DDX10: variants seen among roughly 807,000 people sequenced by gnomAD.
DDX10 encodes the protein probable ATP-dependent RNA helicase DDX10.
DDX10 carries 74 observed loss-of-function variants against 104.3 expected under a neutral mutation model. That is an observed-to-expected ratio of 0.71 (90% confidence interval 0.59 to 0.86). The LOEUF is 0.86. Among genes scored for constraint, DDX10 ranks in the 40% least tolerant of loss-of-function variants. DDX10 has a pLI of 0.00. For missense variants in DDX10, 952 were observed against 1,040.0 expected (o/e 0.92, Z 1.16); for synonymous variants, 351 against 353.4 (o/e 0.99, Z 0.08).
At chr11:108,689,186 G>T (rs545739696) in intron 7 of DDX10, 124 bp downstream of exon 7, 33 of 993,236 alleles carry the variant, frequency 3.3e-5, no homozygotes, top group Non-Finnish European at 4.8e-5. Context: ...GGGATCTTTC[G>T]TGTCCTTGTT....
At chr11:108,730,173 T>C (rs2094310292) in intron 13 of DDX10, 2 of 152,254 alleles carry the variant, frequency 1.3e-5, no homozygotes, top group South Asian at 4.1e-4. Context: ...TGTATTTCAG[T>C]CAGTAAATTC....
chr11:108,739,006 C>T (rs1227561193), intron 13 of DDX10, among the ~76,000 whole-genome samples: 1 of 152,096 alleles, frequency 6.6e-6, no homozygotes, highest in Non-Finnish European at 1.5e-5. Flanking sequence ...GCTAGCAAAC[C>T]TGGACAACTT....
chr11:108,922,703 A>G (rs1053381030), intron 17 of DDX10, among the ~76,000 whole-genome samples: 1 of 152,268 alleles, frequency 6.6e-6, no homozygotes, highest in African/African-American at 2.4e-5. Flanking sequence ...CTGAGATTTC[A>G]AAAGGGTTCT....
At chr11:108,779,423 A>C (rs1262712274) in intron 13 of DDX10, among the ~76,000 whole-genome samples, 2 of 152,198 alleles carry the variant, frequency 1.3e-5, no homozygotes, top group Non-Finnish European at 2.9e-5. Flanking sequence ...AATTCTGAGC[A>C]GATATCACGA....
At chr11:108,912,467 C>G (rs960605915) in intron 16 of DDX10, among the ~76,000 whole-genome samples, 5 of 152,104 alleles carry the variant, frequency 3.3e-5, no homozygotes, top group African/African-American at 1.2e-4. Flanking sequence ...GATATCCTTC[C>G]TTCAAATGTT....
At chr11:108,835,813 T>C (rs1293119170) in intron 13 of DDX10, among the ~76,000 whole-genome samples, 1 of 151,960 alleles carries the variant, frequency 6.6e-6, no homozygotes, top group Non-Finnish European at 1.5e-5. Context: ...CAGGGTACTT[T>C]TCCTTTCCAT....
chr11:108,888,541 T>C (rs1419895186), intron 16 of DDX10, among the ~76,000 whole-genome samples: 1 of 152,212 alleles, frequency 6.6e-6, no homozygotes, highest in Non-Finnish European at 1.5e-5. Flanking sequence ...TGACTATTTC[T>C]ATATATTCCC....
At chr11:108,712,495 A>G (rs2094285746) in intron 10 of DDX10, among the ~76,000 whole-genome samples, 1 of 151,584 alleles carries the variant, frequency 6.6e-6, no homozygotes, top group Non-Finnish European at 1.5e-5. Flanking sequence ...ATGTTTTTGC[A>G]AGTAATCCAA....
At chr11:108,744,093 A>C (rs940510199) in intron 13 of DDX10, among the ~76,000 whole-genome samples, 1 of 152,186 alleles carries the variant, frequency 6.6e-6, no homozygotes, top group Non-Finnish European at 1.5e-5. Flanking sequence ...ATGATTCATA[A>C]GCTTTTTCAA....
At chr11:108,692,830 A>T (rs1237348389) in intron 8 of DDX10, among the ~76,000 whole-genome samples, 1 of 151,986 alleles carries the variant, frequency 6.6e-6, no homozygotes, top group Non-Finnish European at 1.5e-5. Flanking sequence ...CTCAAGTGAT[A>T]CTCCCACCTC....
At chr11:108,757,900 T>G (rs576517380) in intron 13 of DDX10, among the ~76,000 whole-genome samples, 11 of 152,174 alleles carry the variant, frequency 7.2e-5, no homozygotes, top group African/African-American at 2.6e-4. Context: ...TATCAGTACC[T>G]TTAATGTAAT....
intron 16 of DDX10, among the ~76,000 whole-genome samples, chr11:108,880,742 C>T (rs942643801): frequency 2.0e-5 from 3 of 152,122 alleles, no homozygotes; most frequent in Non-Finnish European, 2.9e-5. Context: ...GTAACATAAT[C>T]CGGGTCATTT....
chr11:108,797,015 G>C (rs1861950881), intron 13 of DDX10, among the ~76,000 whole-genome samples: 1 of 151,766 alleles, frequency 6.6e-6, no homozygotes. Flanking sequence ...TGTTGTTGTT[G>C]TTCTTATTCT....
Position 108,677,154 on chromosome 11 carries a change from A to G in DDX10, c.448A>G (p.Thr150Ala). 1.2e-6 allele frequency: 2 copies of G among 1,613,888 alleles called. No individual in the cohort carries two copies. The highest frequency in any genetic ancestry group is 1.7e-6 in the Non-Finnish European group (2 of 1,179,920). The change falls in exon 4 of 18, where the codon ACG (threonine) becomes GCG (alanine). Residue 150 changes from threonine (T) to alanine (A), a missense_variant. By Grantham distance (58) the Thr-to-Ala change is moderately conservative. This residue lies in a region of DDX10 where 412 missense variants were observed against 479.2 expected (regional missense o/e 0.86). Transcript: ENST00000322536. Reference protein sequence around the residue: ...DGLGVLIISPTRELAYQTFEV... With the variant: ...DGLGVLIISPARELAYQTFEV... Reference sequence around the variant, plus strand: ...GCTGGGGGTTCTCATAATATCACCTACGAGAGAACTGGCCTATCAGACCTT... The same window carrying G: ...GCTGGGGGTTCTCATAATATCACCTGCGAGAGAACTGGCCTATCAGACCTT...
intron 6 of DDX10, among the ~76,000 whole-genome samples, chr11:108,687,587 G>GT (rs2094246187): frequency 6.6e-6 from 1 of 152,100 alleles, no homozygotes; most frequent in Non-Finnish European, 1.5e-5. Flanking sequence ...AGAGGTGTCT[G>GT]TTAAGATTTT....
intron 12 of DDX10, 84 bp downstream of exon 12, chr11:108,719,969 A>C: frequency 1.1e-6 from 1 of 883,700 alleles, no homozygotes; most frequent in Non-Finnish European, 1.9e-6. Context: ...GGGTCTTGCT[A>C]TGTTGCCCAG....
At chr11:108,766,078 A>G (rs2094356004) in intron 13 of DDX10, among the ~76,000 whole-genome samples, 1 of 152,128 alleles carries the variant, frequency 6.6e-6, no homozygotes, top group African/African-American at 2.4e-5. Context: ...GATTTCCCAT[A>G]TTATCCACAG....
At chr11:108,809,839 C>A (rs761945700) in intron 13 of DDX10, among the ~76,000 whole-genome samples, 4 of 152,146 alleles carry the variant, frequency 2.6e-5, no homozygotes, top group Non-Finnish European at 5.9e-5. Context: ...TCTGTGTGTT[C>A]TACCCTTTTG....
intron 13 of DDX10, among the ~76,000 whole-genome samples, chr11:108,726,817 G>C (rs938658656): frequency 6.6e-6 from 1 of 152,050 alleles, no homozygotes; most frequent in Non-Finnish European, 1.5e-5. Context: ...GATGTTAGCT[G>C]TAAGTTTTTT....
Sources: gnomAD v4.1 joint callset for allele counts (sites outside exome capture counted in the v4.1 genomes callset) on GRCh38, gnomAD v4.1.1 for gene constraint, gnomAD v4.1.1 regional missense constraint, MANE v1.5 for transcripts, NCBI Gene and HGNC (gene_info 2026-07-23, HGNC 2026-07-21) for gene names.